The following STMN4 variants were observed in gnomAD, a reference collection of about 807,000 sequenced individuals.
STMN4 encodes stathmin-4.
In STMN4, 12 loss-of-function variants were observed where a neutral mutation model predicts 29.1. The ratio of observed to expected loss-of-function variants is 0.41; its 90% CI spans 0.26 to 0.67. The LOEUF (loss-of-function observed/expected upper bound fraction) is 0.67, where lower values mean the gene tolerates loss of function less well. Ranked by LOEUF, STMN4 falls within the 30% of genes least tolerant of loss-of-function variation. The pLI, the probability that STMN4 is intolerant of heterozygous loss-of-function variation, is 0.30. For missense variants in STMN4, 181 were observed against 262.8 expected (o/e 0.69, Z 2.15); for synonymous variants, 114 against 105.3 (o/e 1.08, Z -0.51).
rs569674399 is a variant in STMN4, at chr8:27,250,932, G to A, written c.-78-7131C>T. Reference sequence around the variant, plus strand: ...AATCCACAATGATGGGATTTTCTGGGCAATTTTTATTTCCAATTTAATATA... The same window carrying A: ...AATCCACAATGATGGGATTTTCTGGACAATTTTTATTTCCAATTTAATATA... On this transcript the variant is annotated intron_variant, in intron 1 of 6. Coordinates refer to ENST00000350889, the MANE Select transcript of STMN4 (RefSeq NM_030795.4). 9.9e-4 allele frequency among the ~76,000 whole-genome samples: 150 copies of A among 152,266 alleles called. 1 individual carries two copies. The highest frequency in any genetic ancestry group is 3.4e-3 in the African/African-American group (143 of 41,566).
chr8:27,243,133 G>A (rs1801523677), intron 2 of STMN4, among the ~76,000 whole-genome samples: 1 of 152,216 alleles, frequency 6.6e-6, no homozygotes, highest in African/African-American at 2.4e-5. Flanking sequence ...CCTGGCTCCT[G>A]AAAGTCCCTC....
At chr8:27,239,668 C>T in intron 6 of STMN4, 1 of 1,418,518 alleles carries the variant, frequency 7.0e-7, no homozygotes. Flanking sequence ...ATCTCTACTC[C>T]TTTGTATTAG....
chr8:27,247,278 A>T (rs937401116), intron 1 of STMN4, among the ~76,000 whole-genome samples: 2 of 147,976 alleles, frequency 1.4e-5, no homozygotes, highest in African/African-American at 5.1e-5. Flanking sequence ...AAAAAAGATG[A>T]TCTATTTACT....
chr8:27,242,108 A>G, intron 3 of STMN4: 1 of 561,330 alleles, frequency 1.8e-6, no homozygotes, highest in Non-Finnish European at 3.2e-6. Context: ...TGTCTGGCTC[A>G]CCTTTGCATA....
At chr8:27,237,014 C>A in intron 6 of STMN4, 109 bp from the exon 7 acceptor site, 4 of 1,213,884 alleles carry the variant, frequency 3.3e-6, no homozygotes, top group South Asian at 1.5e-5. Context: ...CCACAGGCAG[C>A]GAAGAGCTCT....
At chr8:27,243,312 G>A (rs4732717) in intron 2 of STMN4, among the ~76,000 whole-genome samples, 32,983 of 152,104 alleles carry the variant, frequency 0.22, 4,045 homozygotes, top group East Asian at 0.42. Context: ...GGGCTCAAGC[G>A]ATCCTTGTGC....
chr8:27,237,080 C>G (rs1801331340), intron 6 of STMN4, among the ~76,000 whole-genome samples, 175 bp from the exon 7 acceptor site: 1 of 152,190 alleles, frequency 6.6e-6, no homozygotes, highest in African/African-American at 2.4e-5. Flanking sequence ...TGGCAGGAGG[C>G]AGGGGGCAAG....
chr8:27,243,515 G>A (rs1220205908), intron 2 of STMN4, among the ~76,000 whole-genome samples, 196 bp downstream of exon 2: 1 of 151,560 alleles, frequency 6.6e-6, no homozygotes, highest in Non-Finnish European at 1.5e-5. Context: ...TGTTCAACTT[G>A]TCGCCTGTGG....
At chr8:27,246,092 T>G (rs1801616511) in intron 1 of STMN4, among the ~76,000 whole-genome samples, 1 of 152,186 alleles carries the variant, frequency 6.6e-6, no homozygotes, top group Admixed American at 6.5e-5. Flanking sequence ...AACTAGATAC[T>G]CACTAATGCT....
chr8:27,244,325 C>T (rs1007305484), intron 1 of STMN4, among the ~76,000 whole-genome samples: 1 of 152,190 alleles, frequency 6.6e-6, no homozygotes, highest in African/African-American at 2.4e-5. Context: ...TTCCCTTTCC[C>T]AAGACGACTG....
Position 27,256,307 on chromosome 8 carries a change from T to C in STMN4, c.-79+2044A>G, listed in dbSNP as rs992487716. Among the ~76,000 whole-genome samples, 13 of 152,316 alleles carry C rather than the reference T, an allele frequency of 8.5e-5. No homozygotes were observed. The East Asian group carries it at 2.5e-3, about 29-fold the overall frequency. Reference sequence around the variant, plus strand: ...GCATGCACAGCAATGTAAATCTTAATACTACTGATTTGTACACTTAAAAAT... The same window carrying C: ...GCATGCACAGCAATGTAAATCTTAACACTACTGATTTGTACACTTAAAAAT... On this transcript the variant is annotated intron_variant, in intron 1 of 6. Coordinates refer to ENST00000350889, the MANE Select transcript of STMN4 (RefSeq NM_030795.4).
intron 1 of STMN4, among the ~76,000 whole-genome samples, chr8:27,251,078 C>G (rs1235598791): frequency 1.3e-5 from 2 of 152,040 alleles, no homozygotes; most frequent in African/African-American, 4.8e-5. Context: ...GAAACCCCAT[C>G]TCTACTAAAA....
rs565390053 is a variant in STMN4, at chr8:27,244,904, G to A, written c.-78-1103C>T. ...CCATCCTCAGGACCATTTGATCCTCGGTCACCCTCTGTGGTCACTGTGCCA... is the reference window on the plus strand; with the variant it reads ...CCATCCTCAGGACCATTTGATCCTCAGTCACCCTCTGTGGTCACTGTGCCA... On this transcript the variant is annotated intron_variant, in intron 1 of 6. Transcript: ENST00000350889. Among the ~76,000 whole-genome samples the A allele has an allele frequency of 3.9e-5, 6 of 152,276 alleles. No homozygotes were observed. The East Asian group carries it at 7.7e-4, about 20-fold the overall frequency.
intron 6 of STMN4, chr8:27,239,759 C>T (rs1056075556): frequency 6.6e-7 from 1 of 1,506,652 alleles, no homozygotes; most frequent in African/African-American, 1.4e-5. Context: ...GCAGAATATC[C>T]CCCAAGGAAA....
At chr8:27,254,318 C>T (rs1477649695) in intron 1 of STMN4, among the ~76,000 whole-genome samples, 1 of 152,194 alleles carries the variant, frequency 6.6e-6, no homozygotes, top group African/African-American at 2.4e-5. Context: ...GCTCATCCTC[C>T]CACTCTGGGT....
chr8:27,248,593 T>C (rs571083445), intron 1 of STMN4, among the ~76,000 whole-genome samples: 1 of 152,044 alleles, frequency 6.6e-6, no homozygotes, highest in African/African-American at 2.4e-5. Context: ...GTGATGCTGA[T>C]AATAATAGCA....
At chr8:27,247,942 C>A (rs1324475321) in intron 1 of STMN4, among the ~76,000 whole-genome samples, 1 of 152,248 alleles carries the variant, frequency 6.6e-6, no homozygotes, top group Non-Finnish European at 1.5e-5. Context: ...CCTAGCCCTT[C>A]TATTGCCCCT....
At chr8:27,251,470 C>T (rs1047775519) in intron 1 of STMN4, among the ~76,000 whole-genome samples, 1 of 151,834 alleles carries the variant, frequency 6.6e-6, no homozygotes, top group Non-Finnish European at 1.5e-5. Flanking sequence ...GGGTTAAAAG[C>T]ACATGAAGCC....
chr8:27,236,978 A>C, intron 6 of STMN4, 73 bp from the exon 7 acceptor site: 2 of 1,517,870 alleles, frequency 1.3e-6, no homozygotes, highest in Non-Finnish European at 1.8e-6. Flanking sequence ...CCAAGGGGCA[A>C]GAGAACCAAA....
Sources: allele counts gnomAD v4.1 joint callset (sites outside exome capture counted in the v4.1 genomes callset), GRCh38; gene constraint gnomAD v4.1.1; transcripts MANE v1.5; gene names NCBI Gene and HGNC (gene_info 2026-07-23, HGNC 2026-07-21).